SUGCT: variants seen among roughly 807,000 people sequenced by gnomAD.
SUGCT encodes the protein succinyl-CoA:glutarate CoA-transferase.
In SUGCT, 41 loss-of-function variants were observed where a neutral mutation model predicts 55.0. The ratio of observed to expected loss-of-function variants is 0.74; its 90% CI spans 0.58 to 0.97. The LOEUF (loss-of-function observed/expected upper bound fraction) is 0.97. Among genes scored for constraint, SUGCT ranks in the 50% least tolerant of loss-of-function variants. The probability of loss-of-function intolerance (pLI) is 0.00; values close to 1 mark genes in which losing one functional copy is unlikely to be tolerated. For missense variants in SUGCT, 568 were observed against 547.8 expected, an observed-to-expected ratio of 1.04 and a Z score of -0.37; for synonymous variants, 187 against 200.4, an observed-to-expected ratio of 0.93 and a Z score of 0.56.
At chr7:40,982,349 G>T in the SUGCT span, among the ~76,000 whole-genome samples, 1 of 152,160 alleles carries the variant, frequency 6.6e-6, no homozygotes, top group Non-Finnish European at 1.5e-5. Context: ...ATGTGACCTG[G>T]CATTGTATCT....
intron 8 of SUGCT, among the ~76,000 whole-genome samples, chr7:40,280,865 C>T (rs1414877019): frequency 1.3e-5 from 2 of 151,884 alleles, no homozygotes; most frequent in Admixed American, 1.3e-4. Flanking sequence ...GATGAGTACC[C>T]GTATTGTTAC....
intron 12 of SUGCT, among the ~76,000 whole-genome samples, chr7:40,573,989 T>A (rs1227614014): frequency 6.6e-6 from 1 of 152,236 alleles, no homozygotes; most frequent in Non-Finnish European, 1.5e-5. Context: ...GGCAAATTGA[T>A]GAAACTGTGT....
chr7:40,805,651 C>T (rs1457143209), intron 13 of SUGCT, among the ~76,000 whole-genome samples: 1 of 152,204 alleles, frequency 6.6e-6, no homozygotes, highest in African/African-American at 2.4e-5. Context: ...GGGCTCTCCA[C>T]TTCAACCCAA....
the SUGCT span, among the ~76,000 whole-genome samples, chr7:40,993,306 T>A: frequency 2.0e-5 from 3 of 152,158 alleles, no homozygotes; most frequent in African/African-American, 7.2e-5. Flanking sequence ...TTCTGTGCAC[T>A]GTGTTTGCTC....
At chr7:40,689,022 A>T (rs1784579057) in intron 12 of SUGCT, among the ~76,000 whole-genome samples, 1 of 152,184 alleles carries the variant, frequency 6.6e-6, no homozygotes, top group Non-Finnish European at 1.5e-5. Flanking sequence ...TTTTACATTG[A>T]CTATTGCTGG....
At chr7:40,895,110 T>C in the SUGCT span, among the ~76,000 whole-genome samples, 1 of 152,300 alleles carries the variant, frequency 6.6e-6, no homozygotes, top group South Asian at 2.1e-4. Flanking sequence ...ATATTCATCA[T>C]GGAATACTAT....
intron 9 of SUGCT, among the ~76,000 whole-genome samples, chr7:40,444,936 G>A (rs902143640): frequency 5.9e-5 from 9 of 152,246 alleles, no homozygotes; most frequent in East Asian, 1.9e-4. Flanking sequence ...AGCATGAAGC[G>A]CTGTTGAATT....
intron 13 of SUGCT, among the ~76,000 whole-genome samples, chr7:40,797,090 A>G (rs1478479649): frequency 1.3e-5 from 2 of 152,182 alleles, no homozygotes; most frequent in Non-Finnish European, 2.9e-5. Flanking sequence ...TACAGCATGC[A>G]TTGCATACTG....
the SUGCT span, among the ~76,000 whole-genome samples, chr7:40,955,808 A>G: frequency 6.6e-6 from 1 of 152,200 alleles, no homozygotes; most frequent in Admixed American, 6.5e-5. Flanking sequence ...CATTCCATCA[A>G]TACCTAGTTT....
At chr7:40,960,841 G>T in the SUGCT span, among the ~76,000 whole-genome samples, 1 of 152,098 alleles carries the variant, frequency 6.6e-6, no homozygotes, top group East Asian at 1.9e-4. Flanking sequence ...CTCCCAAAAA[G>T]TTAATGCATT....
chr7:40,997,938 C>T, the SUGCT span, among the ~76,000 whole-genome samples: 6,229 of 152,190 alleles, frequency 0.041, 184 homozygotes, highest in Middle Eastern at 0.054. Flanking sequence ...CTGGTGTATT[C>T]ATAAGCAACC....
intron 12 of SUGCT, among the ~76,000 whole-genome samples, chr7:40,623,636 G>A (rs913283141): frequency 6.6e-6 from 1 of 151,892 alleles, no homozygotes; most frequent in African/African-American, 2.4e-5. Flanking sequence ...TTTGGACTTC[G>A]TTAGAAGATT....
intron 6 of SUGCT, among the ~76,000 whole-genome samples, chr7:40,233,028 C>A (rs150381010): frequency 0.024 from 3,638 of 152,052 alleles, 82 homozygotes; most frequent in Non-Finnish European, 0.034. Context: ...TAATTTCATT[C>A]TGCACATCAC....
chr7:40,645,686 C>G (rs1800469129), intron 12 of SUGCT, among the ~76,000 whole-genome samples: 1 of 152,078 alleles, frequency 6.6e-6, no homozygotes, highest in South Asian at 2.1e-4. Context: ...AGAAGCCTGG[C>G]AAGGAATCTC....
chr7:40,767,119 T>C (rs1788838886), intron 13 of SUGCT, among the ~76,000 whole-genome samples: 4 of 152,198 alleles, frequency 2.6e-5, no homozygotes, highest in Admixed American at 6.5e-5. Flanking sequence ...TTTGAATCTA[T>C]CTTTTGCAAA....
At chr7:40,544,808 G>C (rs1374186180) in intron 12 of SUGCT, among the ~76,000 whole-genome samples, 1 of 152,112 alleles carries the variant, frequency 6.6e-6, no homozygotes, top group Non-Finnish European at 1.5e-5. Flanking sequence ...AGAGTGCTCA[G>C]ACAAATAAGA....
chr7:40,878,150 C>G, the SUGCT span, among the ~76,000 whole-genome samples: 13 of 152,184 alleles, frequency 8.5e-5, no homozygotes, highest in Middle Eastern at 3.4e-3. Flanking sequence ...TCCAGCAGTC[C>G]TTTCTACTAC....
At chr7:40,615,895 A>G (rs1798981411) in intron 12 of SUGCT, among the ~76,000 whole-genome samples, 1 of 152,160 alleles carries the variant, frequency 6.6e-6, no homozygotes, top group Non-Finnish European at 1.5e-5. Flanking sequence ...AAAATAAGTG[A>G]TTAAGAAGAG....
At chr7:40,669,520 A>G (rs1801827564) in intron 12 of SUGCT, among the ~76,000 whole-genome samples, 1 of 151,960 alleles carries the variant, frequency 6.6e-6, no homozygotes, top group African/African-American at 2.4e-5. Context: ...GCTTGAAAGA[A>G]ATGAAAATAT....
Sources: gnomAD v4.1 joint callset for allele counts (sites outside exome capture counted in the v4.1 genomes callset) on GRCh38, gnomAD v4.1.1 for gene constraint, MANE v1.5 for transcripts, NCBI Gene and HGNC (gene_info 2026-07-23, HGNC 2026-07-21) for gene names.